FHIT: variants seen among roughly 807,000 people sequenced by gnomAD.
FHIT encodes bis(5'-adenosyl)-triphosphatase.
A neutral mutation model predicts 17.9 loss-of-function variants in FHIT; 19 were observed. The ratio of observed to expected loss-of-function variants is 1.06; its 90% CI spans 0.74 to 1.56. The LOEUF (loss-of-function observed/expected upper bound fraction) is 1.56. FHIT is among the 40% of genes most tolerant of loss of function. The pLI is 0.00. For synonymous variants in FHIT, 81 were observed against 69.7 expected (o/e 1.16, Z -0.81); for missense variants, 248 against 189.2 (o/e 1.31, Z -1.82).
At chr3:61,039,135 G>A (rs2107685381) in intron 3 of FHIT, among the ~76,000 whole-genome samples, 1 of 152,244 alleles carries the variant, frequency 6.6e-6, no homozygotes, top group South Asian at 2.1e-4. Context: ...GGCTACAATT[G>A]GCCGCAATTT....
chr3:60,043,426 T>G (rs1376800774), intron 5 of FHIT, among the ~76,000 whole-genome samples: 3 of 152,232 alleles, frequency 2.0e-5, no homozygotes, highest in Non-Finnish European at 2.9e-5. Flanking sequence ...CATGATAATT[T>G]TATGCCATTT....
At chr3:60,304,982 A>C (rs938094648) in intron 5 of FHIT, among the ~76,000 whole-genome samples, 4 of 152,152 alleles carry the variant, frequency 2.6e-5, no homozygotes, top group African/African-American at 9.7e-5. Context: ...GCAATTGAGA[A>C]GGATACAGAC....
At chr3:61,176,893 C>A (rs187648273) in intron 2 of FHIT, among the ~76,000 whole-genome samples, 1 of 152,058 alleles carries the variant, frequency 6.6e-6, no homozygotes, top group African/African-American at 2.4e-5. Flanking sequence ...GAAAGGGAAC[C>A]GGCCGGGCGT....
chr3:60,114,140 CACA>C (rs1704837919), intron 5 of FHIT, among the ~76,000 whole-genome samples: 2 of 141,048 alleles, frequency 1.4e-5, no homozygotes, highest in South Asian at 4.6e-4. Flanking sequence ...ATAAAACAAG[CACA>C]ACCTTTTATG....
intron 3 of FHIT, among the ~76,000 whole-genome samples, chr3:60,865,683 T>TA (rs1463568601): frequency 6.6e-6 from 1 of 152,154 alleles, no homozygotes; most frequent in Admixed American, 6.6e-5. Context: ...TCATATCTGT[T>TA]ATGCTACTTA....
In FHIT at chr3:60,458,860, G is replaced by C. The variant is rs575458476; in HGVS notation, c.103+78000C>G. On this transcript the variant is annotated intron_variant, in intron 5 of 9. Transcript: ENST00000492590. ...ACAAATCACGGCTCACTGCAGCCTT[G>C]AACTCCTAGGCTCAAGGGATCCTCC... Among the ~76,000 whole-genome samples the C allele has an allele frequency of 7.9e-5, 12 of 152,198 alleles. No homozygotes were observed. The South Asian group carries it at 2.5e-3, about 32-fold the overall frequency.
At chr3:60,094,780 G>C (rs6777011) in intron 5 of FHIT, among the ~76,000 whole-genome samples, 54,114 of 151,042 alleles carry the variant, frequency 0.36, 10,205 homozygotes, top group African/African-American at 0.46. Context: ...GGGAGGGAAG[G>C]GAAGGGAACA....
At chr3:60,429,779 A>G (rs907885660) in intron 5 of FHIT, among the ~76,000 whole-genome samples, 6 of 152,120 alleles carry the variant, frequency 3.9e-5, no homozygotes, top group Admixed American at 3.9e-4. Context: ...TATCCCCACA[A>G]CAACTTTCTA....
rs146775289 is a variant in FHIT at position 60,041,195 on chromosome 3, C to G, written c.104-27043G>C. ...CCTACCCTATGATCCTGACATGACC[C>G]GACAGAAGGAGACTTGCAGATCCAA... is the stretch of plus-strand genomic sequence containing the variant. On this transcript the variant is annotated intron_variant, in intron 5 of 9. Transcript: ENST00000492590. 2.3e-3 allele frequency among the ~76,000 whole-genome samples: 343 copies of G among 152,258 alleles called. 3 individuals carry two copies. Among genetic ancestry groups the G allele is most frequent in the South Asian group, 7.1e-3 (34 of 4,816 alleles).
At chr3:60,107,311 AG>A (rs1453318129) in intron 5 of FHIT, among the ~76,000 whole-genome samples, 1 of 152,102 alleles carries the variant, frequency 6.6e-6, no homozygotes, top group African/African-American at 2.4e-5. Flanking sequence ...TGAGCAATCT[AG>A]GGGAAACAAA....
chr3:60,779,963 CT>C (rs1201757036), intron 4 of FHIT, among the ~76,000 whole-genome samples: 1 of 152,218 alleles, frequency 6.6e-6, no homozygotes, highest in Non-Finnish European at 1.5e-5. Flanking sequence ...ATTCCCACCC[CT>C]AGGCCCCCCT....
chr3:59,933,263 A>C (rs1336535918), intron 7 of FHIT, among the ~76,000 whole-genome samples: 3 of 152,162 alleles, frequency 2.0e-5, no homozygotes, highest in Admixed American at 2.0e-4. Flanking sequence ...TACTGACACA[A>C]CACTTAATTA....
At chr3:60,780,398 G>A (rs141903182) in intron 4 of FHIT, among the ~76,000 whole-genome samples, 17 of 152,222 alleles carry the variant, frequency 1.1e-4, no homozygotes, top group East Asian at 3.9e-4. Flanking sequence ...GAAGCCCAAC[G>A]TGCCAGCAAA....
intron 3 of FHIT, among the ~76,000 whole-genome samples, chr3:61,007,072 C>G (rs1304343280): frequency 6.6e-6 from 1 of 152,152 alleles, no homozygotes; most frequent in Non-Finnish European, 1.5e-5. Context: ...AGAAAAGTCT[C>G]TATATGAAAT....
intron 5 of FHIT, among the ~76,000 whole-genome samples, chr3:60,380,800 C>G (rs1253893268): frequency 6.6e-6 from 1 of 152,142 alleles, no homozygotes; most frequent in Non-Finnish European, 1.5e-5. Context: ...TTTCTTAGAC[C>G]ATTTTATCCA....
chr3:61,090,014 G>A lies in FHIT; in HGVS notation c.-163-47915C>T, dbSNP rs2035431127. ...CAACAAGCGCATGCCAATACATGAT[G>A]AAGTTTTCATTCACTCGTGGTGAAA... is the stretch of plus-strand genomic sequence containing the variant. On this transcript the variant is annotated intron_variant, in intron 2 of 9. Transcript: ENST00000492590. Among the ~76,000 whole-genome samples the A allele has an allele frequency of 2.6e-5, 4 of 152,324 alleles. No homozygotes were observed. In the South Asian group the frequency reaches 8.3e-4, roughly 32 times the overall value.
At chr3:59,895,444 A>G (rs1421527320) in intron 8 of FHIT, among the ~76,000 whole-genome samples, 2 of 152,222 alleles carry the variant, frequency 1.3e-5, no homozygotes, top group Non-Finnish European at 2.9e-5. Flanking sequence ...CTTCAATATT[A>G]AAGTCAGAAA....
At chr3:60,428,867 C>T (rs967925575) in intron 5 of FHIT, among the ~76,000 whole-genome samples, 4 of 151,970 alleles carry the variant, frequency 2.6e-5, no homozygotes, top group African/African-American at 9.7e-5. Context: ...ACATGCAACC[C>T]AAAGAAAATA....
intron 5 of FHIT, among the ~76,000 whole-genome samples, chr3:60,495,984 T>C (rs2034285705): frequency 6.6e-6 from 1 of 151,966 alleles, no homozygotes; most frequent in South Asian, 2.1e-4. Context: ...ATAATTTATA[T>C]CACATATAAA....
Sources: allele counts gnomAD v4.1 joint callset (sites outside exome capture counted in the v4.1 genomes callset), GRCh38; gene constraint gnomAD v4.1.1; transcripts MANE v1.5; gene names NCBI Gene and HGNC (gene_info 2026-07-23, HGNC 2026-07-21).